The following MAP4K1 variants were observed in gnomAD, a reference collection of about 807,000 sequenced individuals.
The protein encoded by MAP4K1 is mitogen-activated protein kinase kinase kinase kinase 1, also known as MAPK/ERK kinase kinase kinase 1.
Under a neutral mutation model 122.8 loss-of-function variants are expected in MAP4K1, and 35 were observed. That is an observed-to-expected ratio of 0.29 (90% CI 0.22 to 0.38). The LOEUF (loss-of-function observed/expected upper bound fraction) is 0.38. Among genes scored for constraint, MAP4K1 ranks in the 10% least tolerant of loss-of-function variants. The pLI is 1.00. For missense variants in MAP4K1, 791 were observed against 1,072.6 expected, an observed-to-expected ratio of 0.74 and a Z score of 3.67; for synonymous variants, 412 against 421.3, an observed-to-expected ratio of 0.98 and a Z score of 0.27.
rs895106745 is a variant in MAP4K1 at position 38,598,114 on chromosome 19, T to A, written c.1670-520A>T. Among the ~76,000 whole-genome samples the A allele has an allele frequency of 1.4e-3, 211 of 152,156 alleles. 2 individuals carry two copies. Among genetic ancestry groups the A allele is most frequent in the Non-Finnish European group, 1.6e-4 (11 of 68,002 alleles). On this transcript the variant is annotated intron_variant, in intron 22 of 30. Coordinates refer to ENST00000396857, the MANE Select transcript of MAP4K1 (RefSeq NM_001042600.3). ...GGTATAATCTTGGCTCACTGCAGCC[T>A]CTGCCTCCCAGGTTCAAGCAATTCT...
intron 30 of MAP4K1, among the ~76,000 whole-genome samples, chr19:38,590,366 T>C (rs1163459173): frequency 1.2e-5 from 1 of 84,692 alleles, no homozygotes; most frequent in Non-Finnish European, 2.0e-5. Flanking sequence ...CCTATGATCT[T>C]GGACCAGAAA....
rs1242254979 is a variant in MAP4K1, at chr19:38,601,934, CACCCA to C, written c.1447-414_1447-410del. ...CTGGGACCAAAGGCGTGTGCCACCA[CACCCA>C]GCTAATTTTTGTATTTTTAGTAGAG... On this transcript the variant is annotated intron_variant, in intron 19 of 30. Coordinates refer to ENST00000396857, the MANE Select transcript of MAP4K1 (RefSeq NM_001042600.3). 6.6e-5 allele frequency among the ~76,000 whole-genome samples: 10 copies of C among 152,200 alleles called. No individual in the cohort carries two copies. In the East Asian group the frequency reaches 1.9e-3, roughly 29 times the overall value.
At position 38,595,491 on chromosome 19, in the gene MAP4K1, C is replaced by G. The variant is rs766491223; in HGVS notation, c.2334G>C (p.Ser778=). The G allele has an allele frequency of 6.2e-7, 1 of 1,613,914 alleles. No homozygotes were observed. The highest frequency in any genetic ancestry group is 1.1e-5 in the South Asian group (1 of 91,064). Residue 778 remains serine (S), a synonymous_variant, in exon 29 of 31, where the codon TCG becomes TCC. Transcript: ENST00000396857. ...TTTGGATGGAGGGGCTTACCTGATC[C>G]GAGCCTAGAGCCCACACCTGCACTC... ...KHGVQVWALG[S]DQLLQELRDP... is the part of the protein sequence containing the mutation.
chr19:38,608,446 G>A (rs1027937534), intron 13 of MAP4K1, among the ~76,000 whole-genome samples: 1 of 151,880 alleles, frequency 6.6e-6, no homozygotes, highest in African/African-American at 2.4e-5. Context: ...GGAACCCAGA[G>A]TTTGAGACCT....
rs201449134 is a variant in MAP4K1, at chr19:38,600,173, C to T, written c.1532-20G>A. 24 of 1,610,958 alleles carry T rather than the reference C, an allele frequency of 1.5e-5. No individual in the cohort carries two copies. The highest frequency in any genetic ancestry group is 2.2e-5 in the East Asian group (1 of 44,798). Reference sequence around the variant, plus strand: ...GCTGGTCTGGAGGCACAGACAAGGACGCTGGGACCGACTTCATCCTCAGGG... The same window carrying T: ...GCTGGTCTGGAGGCACAGACAAGGATGCTGGGACCGACTTCATCCTCAGGG... On this transcript the variant is annotated intron_variant, in intron 20 of 30. Transcript: ENST00000396857.
intron 19 of MAP4K1, among the ~76,000 whole-genome samples, chr19:38,603,117 TGTACATATATAC>T (rs1975182827): frequency 7.1e-6 from 1 of 140,110 alleles, no homozygotes; most frequent in African/African-American, 2.6e-5. Context: ...TATATACACA[TGTACATATATAC>T]GCATATACAT....
At chr19:38,607,108 G>C (rs907881913) in intron 16 of MAP4K1, among the ~76,000 whole-genome samples, 2 of 152,098 alleles carry the variant, frequency 1.3e-5, no homozygotes, top group African/African-American at 4.8e-5. Flanking sequence ...GGAGGAGTTT[G>C]AGACTGGGAT....
At chr19:38,591,638 ATAGT>A (rs1253176672) in intron 30 of MAP4K1, among the ~76,000 whole-genome samples, 1 of 152,022 alleles carries the variant, frequency 6.6e-6, no homozygotes. Context: ...GTTATTTTTA[ATAGT>A]TAAAAATTTT....
At chr19:38,606,067 A>C in intron 17 of MAP4K1, 106 bp downstream of exon 17, 3 of 899,396 alleles carry the variant, frequency 3.3e-6, no homozygotes, top group Non-Finnish European at 5.2e-6. Flanking sequence ...TGGTCTCCCC[A>C]ATTCCCTGCC....
chr19:38,613,828 A>G, intron 8 of MAP4K1, 52 bp downstream of exon 8: 5 of 1,464,474 alleles, frequency 3.4e-6, no homozygotes, highest in South Asian at 2.4e-5. Context: ...CCAGGGTAGG[A>G]AAAACCACTG....
In MAP4K1 at chr19:38,608,112, G is replaced by T. The variant is rs370464382; in HGVS notation, c.1065C>A (p.Thr355=). ...GGGGAGTGGGGGGACAGCATCTCAC[G>T]GTGTTGGCTGGGGGTCTGGTCTCCA... The part of the protein sequence containing the change: ...RGMETRPPAN[T]ARLQPPRDLR... The change falls in exon 14 of 31, where the codon ACC becomes ACA. Residue 355 remains threonine (T), a splice_region_variant and synonymous_variant. Coordinates refer to ENST00000396857, the MANE Select transcript of MAP4K1 (RefSeq NM_001042600.3). The T allele has an allele frequency of 6.5e-7, 1 of 1,540,960 alleles. No individual in the cohort carries two copies. The highest frequency in any genetic ancestry group is 8.7e-7 in the Non-Finnish European group (1 of 1,145,236).
intron 13 of MAP4K1, among the ~76,000 whole-genome samples, chr19:38,608,778 C>A (rs1013591141): frequency 1.7e-5 from 2 of 115,772 alleles, no homozygotes; most frequent in African/African-American, 6.8e-5. Context: ...CCAGCCTGGG[C>A]GACAGAGTGA....
At chr19:38,615,968 T>C (rs1975636810) in intron 4 of MAP4K1, among the ~76,000 whole-genome samples, 1 of 136,664 alleles carries the variant, frequency 7.3e-6, no homozygotes, top group South Asian at 2.3e-4. Flanking sequence ...CCAGCAGTTA[T>C]ATTAAAAAAA....
At chr19:38,596,048 T>G (rs1459582940) in intron 26 of MAP4K1, 47 bp from the exon 27 acceptor site, 1 of 1,571,604 alleles carries the variant, frequency 6.4e-7, no homozygotes, top group East Asian at 2.2e-5. Context: ...CCATTCCCCT[T>G]TCCCCACACC....
rs745724688 is a variant in MAP4K1, at chr19:38,597,173, C to A, written c.1838-36G>T. The stretch of plus-strand genomic sequence containing the variant: ...GGCAAGGATGAGTCAAGATCAATGC[C>A]CTCTATCCTCCTCGCCACCCACACT... On this transcript the variant is annotated intron_variant, in intron 24 of 30. Transcript: ENST00000396857. The surrounding 1 kb of genome is among the most constrained non-coding windows in gnomAD (Gnocchi z 4.6). 4 of 1,606,738 alleles carry A rather than the reference C, an allele frequency of 2.5e-6. No individual in the cohort carries two copies. The highest frequency in any genetic ancestry group is 2.7e-5 in the African/African-American group (2 of 74,910).
chr19:38,589,561 A>T (rs1055878919), intron 30 of MAP4K1, among the ~76,000 whole-genome samples: 2 of 151,530 alleles, frequency 1.3e-5, no homozygotes, highest in African/African-American at 4.8e-5. Flanking sequence ...GATTACAGGC[A>T]TGCAACACCA....
intron 30 of MAP4K1, among the ~76,000 whole-genome samples, chr19:38,589,509 G>A (rs1426895382): frequency 2.0e-5 from 3 of 150,314 alleles, no homozygotes; most frequent in Non-Finnish European, 4.4e-5. Flanking sequence ...TCCGCCTCCC[G>A]GGTTCAAGCG....
intron 25 of MAP4K1, among the ~76,000 whole-genome samples, chr19:38,596,802 A>G (rs1353093526): frequency 1.3e-5 from 2 of 152,140 alleles, no homozygotes; most frequent in Admixed American, 1.3e-4. Flanking sequence ...GAGTGGCAGC[A>G]TTGAGCCTGA....
rs763984117 is a variant in MAP4K1 at position 38,608,030 on chromosome 19, G to A, written c.1069C>T (p.Arg357Cys). The A allele has an allele frequency of 7.1e-5, 113 of 1,600,248 alleles. No individual in the cohort carries two copies. Among genetic ancestry groups the A allele is most frequent in the Non-Finnish European group, 8.5e-5 (100 of 1,171,746 alleles). ...METRPPANTA[R>C]LQPPRDLRSS... ...CTGAGGTCTCGAGGAGGCTGTAGGCGAGCCTGTGGGGTAGGAAAAGGGTCA... is the reference window on the plus strand; with the variant it reads ...CTGAGGTCTCGAGGAGGCTGTAGGCAAGCCTGTGGGGTAGGAAAAGGGTCA... Residue 357 changes from arginine (R) to cysteine (C), a missense_variant, in exon 15 of 31, where the codon CGC becomes TGC. This residue lies in a region of MAP4K1 where 303 missense variants were observed against 344.8 expected (regional missense o/e 0.88). Transcript: ENST00000396857.
Sources: allele counts gnomAD v4.1 joint callset (sites outside exome capture counted in the v4.1 genomes callset), GRCh38; gene constraint gnomAD v4.1.1; regional missense constraint gnomAD v4.1.1; non-coding constraint Gnocchi (gnomAD v3.1); transcripts MANE v1.5; gene names NCBI Gene and HGNC (gene_info 2026-07-23, HGNC 2026-07-21).